Variants in NCOA7 observed in about 807,000 individuals in gnomAD.
NCOA7 encodes the protein nuclear receptor coactivator 7.
In NCOA7, 45 loss-of-function variants were observed where a neutral mutation model predicts 104.3. The ratio of observed to expected loss-of-function variants is 0.43; its 90% CI spans 0.34 to 0.55. NCOA7 has a LOEUF of 0.55. NCOA7 is among the 20% of genes least tolerant of loss of function. The probability of loss-of-function intolerance (pLI) is 0.02; values close to 1 mark genes in which losing one functional copy is unlikely to be tolerated. For missense variants in NCOA7, 1,041 were observed against 1,119.7 expected (o/e 0.93, Z 1.00); for synonymous variants, 398 against 402.3 (o/e 0.99, Z 0.13).
At chr6:125,927,454 A>G (rs1247225844) in intron 13 of NCOA7, among the ~76,000 whole-genome samples, 2 of 152,202 alleles carry the variant, frequency 1.3e-5, no homozygotes, top group African/African-American at 4.8e-5. Flanking sequence ...TTTTGCGTGC[A>G]CCAGGAAGTC....
At chr6:125,788,540 CTT>C (rs59616110), upstream of NCOA7, among the ~76,000 whole-genome samples, 15 of 141,466 alleles carry the variant, frequency 1.1e-4, no homozygotes, top group East Asian at 2.0e-4. Context: ...TTTGGAAGAC[CTT>C]TTTTTTTTTT....
At position 125,863,363 on chromosome 6, in the gene NCOA7, G is replaced by A. The variant is rs1003774089; in HGVS notation, c.271+8123G>A. Among the ~76,000 whole-genome samples the A allele has an allele frequency of 2.9e-5, 4 of 138,568 alleles. 1 individual carries two copies. The highest frequency in any genetic ancestry group is 6.1e-5 in the Non-Finnish European group (4 of 65,076). 90.9% of individuals were successfully genotyped at this position (138,568 alleles called of 152,430 possible). On this transcript the variant is annotated intron_variant, in intron 3 of 15. Transcript: ENST00000392477. ...AAAGCAACTGTATCTTAACAAGCCT[G>A]TTGTACTGTGTGTGAGCTTGAACTC...
At chr6:125,817,535 T>G (rs1045730732) in intron 2 of NCOA7, among the ~76,000 whole-genome samples, 1 of 152,264 alleles carries the variant, frequency 6.6e-6, no homozygotes, top group South Asian at 2.1e-4. Flanking sequence ...TTTAACATTT[T>G]CATGTGCTTA....
At chr6:125,922,960 G>T in intron 13 of NCOA7, 126 bp downstream of exon 13, 1 of 844,924 alleles carries the variant, frequency 1.2e-6, no homozygotes, top group South Asian at 2.5e-5. Context: ...TGCCTTCTGT[G>T]TCTTTTATCT....
At chr6:125,869,609 A>G (rs1449644591) in intron 3 of NCOA7, among the ~76,000 whole-genome samples, 2 of 152,262 alleles carry the variant, frequency 1.3e-5, no homozygotes, top group East Asian at 1.9e-4. Context: ...TGCAATCACA[A>G]GGGACCTTAA....
At chr6:125,895,156 C>T (rs1332239143) in intron 10 of NCOA7, among the ~76,000 whole-genome samples, 3 of 151,962 alleles carry the variant, frequency 2.0e-5, no homozygotes, top group African/African-American at 7.3e-5. Context: ...TTATTTATAG[C>T]CTTTTAATCT....
chr6:125,922,497 C>T (rs957109193), intron 12 of NCOA7, among the ~76,000 whole-genome samples, 185 bp from the exon 13 acceptor site: 1 of 152,162 alleles, frequency 6.6e-6, no homozygotes, highest in African/African-American at 2.4e-5. Context: ...GTATCCTTGC[C>T]AAGGTAAACA....
chr6:125,889,695 T>C lies in NCOA7; in HGVS notation c.1641T>C (p.Asp547=). The change falls in exon 9 of 16, where the codon GAT becomes GAC. Residue 547 remains aspartate, a synonymous_variant. Transcript: ENST00000392477. Reference sequence around the variant, plus strand: ...ATTTGCAGAAAACAGAATTAAGTGATGGAAAAAGTATTGAACCAGGGGGAA... The same window carrying C: ...ATTTGCAGAAAACAGAATTAAGTGACGGAAAAAGTATTGAACCAGGGGGAA... ...SENLQKTELS[D]GKSIEPGGID... is the part of the protein sequence containing the mutation. The C allele has an allele frequency of 6.2e-7, 1 of 1,613,994 alleles. No homozygotes were observed. The highest frequency in any genetic ancestry group is 8.5e-7 in the Non-Finnish European group (1 of 1,179,972).
chr6:125,814,307 A>T (rs1437896688), intron 1 of NCOA7, among the ~76,000 whole-genome samples: 2 of 152,056 alleles, frequency 1.3e-5, no homozygotes, highest in Non-Finnish European at 2.9e-5. Flanking sequence ...GGCGTGCACC[A>T]CCATGCCTGT....
At chr6:125,789,921 C>T (rs950802320), upstream of NCOA7, among the ~76,000 whole-genome samples, 1 of 152,314 alleles carries the variant, frequency 6.6e-6, no homozygotes, top group Admixed American at 6.5e-5. Context: ...ATGAACTCCA[C>T]GGCCAGATCC....
rs149348204 is a variant in NCOA7 at position 125,809,474 on chromosome 6, C to T, written c.-64-5817C>T. 1.5e-3 allele frequency among the ~76,000 whole-genome samples: 226 copies of T among 152,288 alleles called. 1 individual carries two copies. Among genetic ancestry groups the T allele is most frequent in the Middle Eastern group, 3.4e-3 (1 of 294 alleles). On this transcript the variant is annotated intron_variant, in intron 1 of 15. Coordinates refer to ENST00000392477, the MANE Select transcript of NCOA7 (RefSeq NM_181782.5). ...CTGGGAATATAGGCATGAGCCACTG[C>T]GTCTGGGTACCCTTGTAAGTTTGTG...
At chr6:125,805,547 T>C (rs780146913) in intron 1 of NCOA7, among the ~76,000 whole-genome samples, 54 of 152,228 alleles carry the variant, frequency 3.5e-4, no homozygotes, top group Admixed American at 9.8e-4. Flanking sequence ...GTAACTCTTA[T>C]GGCTATTTGA....
At chr6:125,846,592 A>G (rs1313494166) in intron 2 of NCOA7, among the ~76,000 whole-genome samples, 1 of 152,320 alleles carries the variant, frequency 6.6e-6, no homozygotes, top group Non-Finnish European at 1.5e-5. Context: ...CTGTGAGTGC[A>G]CAATCCATTG....
intron 10 of NCOA7, among the ~76,000 whole-genome samples, chr6:125,904,716 C>T (rs528513058): frequency 2.3e-4 from 35 of 152,266 alleles, no homozygotes; most frequent in African/African-American, 8.2e-4. Context: ...ACACTGGCTG[C>T]ATTTTGGAGA....
At chr6:125,791,656 A>G (rs1774872112) in intron 1 of NCOA7, among the ~76,000 whole-genome samples, 1 of 152,104 alleles carries the variant, frequency 6.6e-6, no homozygotes. Flanking sequence ...AGGCTGGGAT[A>G]TTGTTGTGCT....
At position 125,889,883 on chromosome 6, in the gene NCOA7, T is replaced by C. The variant is rs750560265; in HGVS notation, c.1829T>C (p.Leu610Ser). 6.2e-7 allele frequency: 1 copy of C among 1,612,304 alleles called. No homozygotes were observed. The highest frequency in any genetic ancestry group is 1.7e-5 in the Admixed American group (1 of 59,510). Reference protein sequence around the residue: ...NVIKEALDSSLESTLDNSCQG... With the variant: ...NVIKEALDSSSESTLDNSCQG... Reference sequence around the variant, plus strand: ...ATTAAAGAGGCTCTAGACTCCTCTTTGGAATCTACTCTGGACAACAGCTGT... The same window carrying C: ...ATTAAAGAGGCTCTAGACTCCTCTTCGGAATCTACTCTGGACAACAGCTGT... The change falls in exon 9 of 16, where the codon TTG becomes TCG. Residue 610 changes from leucine (L) to serine (S), a missense_variant. By Grantham distance (145) the Leu-to-Ser change is moderately radical (BLOSUM62 -2). Around this residue, in one of 2 missense-constraint regions of NCOA7, gnomAD observed 914 missense variants for 942.7 expected, o/e 0.97. Transcript: ENST00000392477.
At chr6:125,835,224 G>C (rs905191464) in intron 2 of NCOA7, among the ~76,000 whole-genome samples, 26 of 152,260 alleles carry the variant, frequency 1.7e-4, no homozygotes, top group African/African-American at 6.0e-4. Context: ...ATGTGATAAA[G>C]ACTGCTAAGT....
intron 1 of NCOA7, among the ~76,000 whole-genome samples, chr6:125,784,005 A>C (rs1229559341): frequency 6.6e-6 from 1 of 152,226 alleles, no homozygotes; most frequent in African/African-American, 2.4e-5. Flanking sequence ...AAGTACAGCC[A>C]AAAATAACCT....
At chr6:125,822,168 A>G (rs1778249578) in intron 2 of NCOA7, among the ~76,000 whole-genome samples, 3 of 152,204 alleles carry the variant, frequency 2.0e-5, no homozygotes, top group African/African-American at 4.8e-5. Context: ...CATCTTTAGT[A>G]TGTCTGGCAT....
Sources: gnomAD v4.1 joint callset for allele counts (sites outside exome capture counted in the v4.1 genomes callset) on GRCh38, gnomAD v4.1.1 for gene constraint, gnomAD v4.1.1 regional missense constraint, MANE v1.5 for transcripts, NCBI Gene and HGNC (gene_info 2026-07-23, HGNC 2026-07-21) for gene names.